The following ABCB4 variants were observed in gnomAD, a reference collection of about 807,000 sequenced individuals.
ABCB4 encodes the protein phosphatidylcholine translocator ABCB4.
Under a neutral mutation model 145.7 loss-of-function variants are expected in ABCB4, and 76 were observed. The ratio of observed to expected loss-of-function variants is 0.52; its 90% CI spans 0.43 to 0.63. ABCB4 has a LOEUF of 0.63. Among genes scored for constraint, ABCB4 ranks in the 30% least tolerant of loss-of-function variants. The pLI is 0.00. For synonymous variants in ABCB4, 517 were observed against 566.8 expected, an observed-to-expected ratio of 0.91 and a Z score of 1.25; for missense variants, 1,234 against 1,553.1, an observed-to-expected ratio of 0.79 and a Z score of 3.45.
intron 3 of ABCB4, among the ~76,000 whole-genome samples, chr7:87,472,143 G>A (rs1813462732): frequency 6.6e-6 from 1 of 152,130 alleles, no homozygotes; most frequent in Non-Finnish European, 1.5e-5. Context: ...AAGAATGTGG[G>A]TCATTGACTA....
intron 14 of ABCB4, among the ~76,000 whole-genome samples, chr7:87,436,659 G>A (rs567937055): frequency 6.6e-6 from 1 of 152,252 alleles, no homozygotes; most frequent in African/African-American, 2.4e-5. Context: ...TGGAACTAAA[G>A]AGAACAATGG....
chr7:87,452,777 A>C (rs1811833618), intron 6 of ABCB4, 167 bp downstream of exon 6: 3 of 772,614 alleles, frequency 3.9e-6, no homozygotes, highest in Non-Finnish European at 6.3e-6. Context: ...GCCAACATGC[A>C]ATGGCATAGG....
chr7:87,447,674 G>C (rs941787405), intron 8 of ABCB4, among the ~76,000 whole-genome samples: 2 of 152,158 alleles, frequency 1.3e-5, no homozygotes, highest in African/African-American at 4.8e-5. Flanking sequence ...TGTCCACTGG[G>C]TGAGGGATGA....
intron 4 of ABCB4, among the ~76,000 whole-genome samples, chr7:87,461,232 A>C (rs925018735): frequency 2.6e-5 from 4 of 152,234 alleles, no homozygotes; most frequent in Non-Finnish European, 4.4e-5. Flanking sequence ...TACAGGTGTG[A>C]ACCACCAACA....
chr7:87,382,209 A>T, the ABCB4 span: 194 of 1,549,014 alleles, frequency 1.3e-4, no homozygotes, highest in Middle Eastern at 3.4e-4. Flanking sequence ...CTCTTAAATA[A>T]TAATGATTTT....
At chr7:87,414,514 C>T (rs1808837476) in intron 21 of ABCB4, among the ~76,000 whole-genome samples, 1 of 152,192 alleles carries the variant, frequency 6.6e-6, no homozygotes, top group Non-Finnish European at 1.5e-5. Flanking sequence ...CCAAACCAGC[C>T]AGAGCAGTTC....
chr7:87,470,068 A>T (rs1462434977), intron 3 of ABCB4, among the ~76,000 whole-genome samples: 1 of 152,228 alleles, frequency 6.6e-6, no homozygotes, highest in Non-Finnish European at 1.5e-5. Context: ...AATACCATAC[A>T]TCTACAACTA....
At chr7:87,423,123 G>A (rs1348024498) in intron 17 of ABCB4, among the ~76,000 whole-genome samples, 2 of 152,092 alleles carry the variant, frequency 1.3e-5, no homozygotes, top group African/African-American at 2.4e-5. Context: ...TAATAAACTC[G>A]TAACATGATG....
intron 3 of ABCB4, among the ~76,000 whole-genome samples, chr7:87,464,756 A>T (rs1021712166): frequency 1.3e-5 from 2 of 152,242 alleles, no homozygotes; most frequent in African/African-American, 4.8e-5. Context: ...GGTGAAAATA[A>T]ATATTAAATT....
intron 14 of ABCB4, among the ~76,000 whole-genome samples, chr7:87,438,315 T>C (rs180915901): frequency 6.6e-6 from 1 of 152,330 alleles, no homozygotes; most frequent in East Asian, 1.9e-4. Flanking sequence ...TAACCAACCA[T>C]ATACCAGTCT....
rs1033233740 is a variant in ABCB4, at chr7:87,434,185, G to A, written c.1732-2620C>T. On this transcript the variant is annotated intron_variant, in intron 14 of 27. Coordinates refer to ENST00000649586, the MANE Select transcript of ABCB4 (RefSeq NM_000443.4). The stretch of plus-strand genomic sequence containing the variant: ...TCTCAATCTCCTGACCTCGTGATCC[G>A]CCAGCCTCAGCATCCCAAAGTTGTG... 5.0e-4 allele frequency among the ~76,000 whole-genome samples: 72 copies of A among 143,860 alleles called. 1 individual carries two copies. The highest frequency in any genetic ancestry group is 9.3e-4 in the Non-Finnish European group (62 of 66,650). The allele number at this position is 143,860 out of a possible 152,430, so 94.4% of individuals were successfully genotyped here.
chr7:87,428,213 C>T (rs1373525317), intron 15 of ABCB4, among the ~76,000 whole-genome samples: 1 of 152,170 alleles, frequency 6.6e-6, no homozygotes, highest in Non-Finnish European at 1.5e-5. Flanking sequence ...ACCAAATGAA[C>T]ATTACCTGTC....
intron 3 of ABCB4, among the ~76,000 whole-genome samples, chr7:87,465,655 G>A (rs754480423): frequency 6.6e-6 from 1 of 152,192 alleles, no homozygotes; most frequent in Admixed American, 6.5e-5. Context: ...CCACCCAGTA[G>A]GGGCAGACTG....
intron 16 of ABCB4, among the ~76,000 whole-genome samples, chr7:87,425,638 T>A (rs1809753367): frequency 6.6e-6 from 1 of 152,198 alleles, no homozygotes; most frequent in Admixed American, 6.5e-5. Flanking sequence ...AAATCTTTTT[T>A]TGGAATGGAT....
chr7:87,417,567 C>T (rs765933283), intron 20 of ABCB4, 52 bp from the exon 21 acceptor site: 18 of 1,459,598 alleles, frequency 1.2e-5, no homozygotes, highest in East Asian at 2.3e-5. Flanking sequence ...CAAATGCATG[C>T]GCTCCAGCCT....
Position 87,431,391 on chromosome 7 carries a change from G to C in ABCB4, c.1893+13C>G. The C allele has an allele frequency of 1.2e-6, 2 of 1,613,936 alleles. No homozygotes were observed. ...GGAGCAAATAGCAGAAAAAATTCCT[G>C]AAAAGCAAGTACCTGCATGTTGACA... On this transcript the variant is annotated intron_variant, in intron 15 of 27. Coordinates refer to ENST00000649586, the MANE Select transcript of ABCB4 (RefSeq NM_000443.4).
chr7:87,395,593 G>C, the ABCB4 span, among the ~76,000 whole-genome samples: 2 of 152,192 alleles, frequency 1.3e-5, no homozygotes, highest in African/African-American at 4.8e-5. Context: ...AGCCTTGAAG[G>C]GAAAAGATAA....
At chr7:87,406,985 T>C (rs938593617) in intron 25 of ABCB4, among the ~76,000 whole-genome samples, 2 of 152,186 alleles carry the variant, frequency 1.3e-5, no homozygotes, top group East Asian at 3.8e-4. Context: ...GCCTTAACTT[T>C]CCCTCACCTC....
intron 16 of ABCB4, among the ~76,000 whole-genome samples, chr7:87,424,267 G>T (rs995631095): frequency 6.6e-6 from 1 of 152,170 alleles, no homozygotes; most frequent in Non-Finnish European, 1.5e-5. Context: ...GTTCGGCCAA[G>T]AAATAACCTT....
Sources: allele counts gnomAD v4.1 joint callset (sites outside exome capture counted in the v4.1 genomes callset), GRCh38; gene constraint gnomAD v4.1.1; transcripts MANE v1.5; gene names NCBI Gene and HGNC (gene_info 2026-07-23, HGNC 2026-07-21).